Variants in B3GALT5 observed in about 807,000 individuals in gnomAD.
B3GALT5 encodes the protein UDP-Gal:betaGlcNAc beta 1,3-galactosyltransferase, polypeptide 5.
For synonymous variants in B3GALT5, 156 were observed against 158.6 expected (o/e 0.98, Z 0.12); for missense variants, 328 against 396.6 (o/e 0.83, Z 1.47).
chr21:39,639,413 TTTCTTTCTTTC>T (rs1450337356), intron 1 of B3GALT5, among the ~76,000 whole-genome samples: 2 of 98,148 alleles, frequency 2.0e-5, no homozygotes, highest in African/African-American at 7.8e-5. Context: ...TCTTTCTTTC[TTTCTTTCTTTC>T]TTTCTTTCTT....
At chr21:39,626,725 C>A (rs1054907722) in intron 1 of B3GALT5, among the ~76,000 whole-genome samples, 18 of 152,208 alleles carry the variant, frequency 1.2e-4, no homozygotes, top group African/African-American at 4.1e-4. Context: ...AGCTTATTGG[C>A]CATCTGTATA....
At chr21:39,613,571 C>T (rs1368359806) in intron 1 of B3GALT5, among the ~76,000 whole-genome samples, 1 of 152,132 alleles carries the variant, frequency 6.6e-6, no homozygotes, top group Non-Finnish European at 1.5e-5. Flanking sequence ...TTTGGGAGGA[C>T]CAGAAGGGAG....
At chr21:39,627,507 G>A (rs1569208098) in intron 1 of B3GALT5, among the ~76,000 whole-genome samples, 1 of 152,072 alleles carries the variant, frequency 6.6e-6, no homozygotes, top group African/African-American at 2.4e-5. Context: ...CCACTGTTGG[G>A]GCATTAAGCT....
chr21:39,618,156 TA>T (rs1000174079), intron 1 of B3GALT5, among the ~76,000 whole-genome samples: 22 of 151,886 alleles, frequency 1.4e-4, no homozygotes, highest in Admixed American at 5.3e-4. Flanking sequence ...CCTTGTCTCT[TA>T]AAAAAAATTA....
At chr21:39,639,400 T>TTCTCTTTC (rs1339331444) in intron 1 of B3GALT5, among the ~76,000 whole-genome samples, 1,658 of 57,246 alleles carry the variant, frequency 0.029, 88 homozygotes, top group South Asian at 0.039. Context: ...CCTTCTTTCT[T>TTCTCTTTC]TTTCTTTCTT....
intron 3 of B3GALT5, among the ~76,000 whole-genome samples, chr21:39,660,313 G>T (rs1269855863): frequency 1.3e-5 from 2 of 152,170 alleles, no homozygotes; most frequent in African/African-American, 4.8e-5. Context: ...GTAGGTTAAG[G>T]GCTGCAGAGC....
intron 1 of B3GALT5, among the ~76,000 whole-genome samples, chr21:39,643,941 A>C (rs762335344): frequency 6.6e-6 from 1 of 152,230 alleles, no homozygotes; most frequent in Non-Finnish European, 1.5e-5. Flanking sequence ...TCTGTCAATC[A>C]AGGAAAATGA....
In B3GALT5 at chr21:39,633,203, G is replaced by A. The variant is rs1195460181; in HGVS notation, c.-391-13189G>A. Among the ~76,000 whole-genome samples, 11 of 152,244 alleles carry A rather than the reference G, an allele frequency of 7.2e-5. No homozygotes were observed. The East Asian group carries it at 2.1e-3, about 29-fold the overall frequency. ...ATGCATGAGGGCCACAAAGGTTTCT[G>A]TGGACCCCTGGTCTTATACTGCAAT... On this transcript the variant is annotated intron_variant, in intron 1 of 3. Coordinates refer to ENST00000684187, the MANE Select transcript of B3GALT5 (RefSeq NM_001356336.2).
At chr21:39,635,351 A>G (rs2079219741) in intron 1 of B3GALT5, among the ~76,000 whole-genome samples, 2 of 152,280 alleles carry the variant, frequency 1.3e-5, no homozygotes, top group South Asian at 4.1e-4. Context: ...CTATGGTGGG[A>G]TGCCTGCTTC....
At chr21:39,620,442 G>T (rs2079128550) in intron 1 of B3GALT5, among the ~76,000 whole-genome samples, 1 of 152,168 alleles carries the variant, frequency 6.6e-6, no homozygotes, top group Non-Finnish European at 1.5e-5. Flanking sequence ...GGTTCTGATA[G>T]TTTACATGTA....
In B3GALT5 at chr21:39,626,225, G is replaced by A. The variant is rs115861512; in HGVS notation, c.-392+13158G>A. On this transcript the variant is annotated intron_variant, in intron 1 of 3. Transcript: ENST00000684187. ...TTTATTTTATGTAGCATGTCTTCAA[G>A]GTTCATCCATGTTGGAGCATGTGAC... Among the ~76,000 whole-genome samples, 1,038 of 152,234 alleles carry A rather than the reference G, an allele frequency of 6.8e-3. 15 individuals are homozygous for A. Among genetic ancestry groups the A allele is most frequent in the African/African-American group, 0.023 (967 of 41,522 alleles).
At chr21:39,648,016 TGTTTA>T (rs773679716) in intron 2 of B3GALT5, among the ~76,000 whole-genome samples, 2 of 152,182 alleles carry the variant, frequency 1.3e-5, no homozygotes, top group East Asian at 3.8e-4. Context: ...GGTATTAATT[TGTTTA>T]GTTTAGTTTT....
Position 39,625,693 on chromosome 21 carries a change from C to T in B3GALT5, c.-392+12626C>T, listed in dbSNP as rs376450269. Among the ~76,000 whole-genome samples, 105 of 152,346 alleles carry T rather than the reference C, an allele frequency of 6.9e-4. 1 individual carries two copies. Among genetic ancestry groups the T allele is most frequent in the Non-Finnish European group, 1.3e-3 (87 of 68,036 alleles). ...TCCCAGTTTGCAATTCTACCTTCCT[C>T]TCACCCCCGCAGGGGCGCACACAGG... On this transcript the variant is annotated intron_variant, in intron 1 of 3. Transcript: ENST00000684187.
In B3GALT5 at chr21:39,661,704, TAA is replaced by T. The variant is rs2079527615; in HGVS notation, c.*213_*214del. On this transcript the variant is annotated 3_prime_UTR_variant, in exon 4 of 4. Coordinates refer to ENST00000684187, the MANE Select transcript of B3GALT5 (RefSeq NM_001356336.2). The surrounding 1 kb of genome is among the most constrained non-coding windows in gnomAD (Gnocchi z 4.7). ...TCTTGGGCACGCACACTCTTCATAC[TAA>T]GTGTTTGACATACACCTGGATTTTT... 2.1e-6 allele frequency: 1 copy of T among 471,770 alleles called. No homozygotes were observed. The highest frequency in any genetic ancestry group is 7.2e-5 in the South Asian group (1 of 13,966). The allele number at this position is 471,770 out of a possible 1,614,324, so 29.2% of individuals were successfully genotyped here. A position where few individuals can be genotyped will look rare whatever the true frequency, so the allele number is the denominator to read the frequency against.
intron 1 of B3GALT5, among the ~76,000 whole-genome samples, chr21:39,645,552 C>A (rs1455324466): frequency 6.6e-6 from 1 of 152,100 alleles, no homozygotes; most frequent in African/African-American, 2.4e-5. Context: ...GTGTGTGGAG[C>A]CTCTCTGTGG....
In B3GALT5 at chr21:39,661,453, T is replaced by C; in HGVS notation, c.894T>C (p.Ala298=). 1.3e-6 allele frequency: 2 copies of C among 1,515,946 alleles called. No homozygotes were observed. Among genetic ancestry groups the C allele is most frequent in the Non-Finnish European group, 1.8e-6 (2 of 1,133,690 alleles). 93.9% of individuals were successfully genotyped at this position (1,515,946 alleles called of 1,614,324 possible). The part of the protein sequence containing the change: ...KPRTLLDYWQ[A]LENSRGEDCP... ...GGACTCTCTTGGACTACTGGCAGGC[T>C]CTAGAGAATTCCCGGGGGGAAGATT... Residue 298 remains alanine (A), a synonymous_variant, in exon 4 of 4, where the codon GCT becomes GCC. Transcript: ENST00000684187. The surrounding 1 kb of genome is among the most constrained non-coding windows in gnomAD (Gnocchi z 4.7).
intron 1 of B3GALT5, among the ~76,000 whole-genome samples, chr21:39,639,903 G>A (rs2079276336): frequency 6.6e-6 from 1 of 152,130 alleles, no homozygotes; most frequent in African/African-American, 2.4e-5. Flanking sequence ...TGAAGAGAAT[G>A]TCTATAAAGG....
rs570988989 is a variant in B3GALT5 at position 39,639,886 on chromosome 21, A to G, written c.-391-6506A>G. On this transcript the variant is annotated intron_variant, in intron 1 of 3. Coordinates refer to ENST00000684187, the MANE Select transcript of B3GALT5 (RefSeq NM_001356336.2). ...GGGCTTGTTAGAGCCTCCTCTCTTC[A>G]TGCACGTGAAGAGAATGTCTATAAA... Among the ~76,000 whole-genome samples, 6 of 152,262 alleles carry G rather than the reference A, an allele frequency of 3.9e-5. No individual in the cohort carries two copies. The East Asian group carries it at 1.2e-3, about 29-fold the overall frequency.
rs926645511 is a variant in B3GALT5, at chr21:39,667,364, C to T, written c.*5872C>T. The T allele has an allele frequency of 1.6e-4, 24 of 152,172 alleles. No individual in the cohort carries two copies. The highest frequency in any genetic ancestry group is 5.6e-4 in the African/African-American group (23 of 41,430). 9.4% of individuals were successfully genotyped at this position (152,172 alleles called of 1,614,324 possible). On this transcript the variant is annotated 3_prime_UTR_variant, in exon 4 of 4. Coordinates refer to ENST00000684187, the MANE Select transcript of B3GALT5 (RefSeq NM_001356336.2). ...TAATTTTCATGCGAGTTTTTGATCC[C>T]CTTGAGTGTGGTTATTTTTGTGCAA...
Sources: gnomAD v4.1 joint callset for allele counts (sites outside exome capture counted in the v4.1 genomes callset) on GRCh38, gnomAD v4.1.1 for gene constraint, Gnocchi (gnomAD v3.1) non-coding constraint, MANE v1.5 for transcripts, NCBI Gene and HGNC (gene_info 2026-07-23, HGNC 2026-07-21) for gene names.